Variants in SCAPER observed in about 807,000 individuals in gnomAD.
The protein encoded by SCAPER is S phase cyclin A-associated protein in the endoplasmic reticulum.
SCAPER carries 98 observed loss-of-function variants against 182.2 expected under a neutral mutation model. The observed-to-expected ratio is 0.54, with a 90% CI of 0.46 to 0.64. The LOEUF (loss-of-function observed/expected upper bound fraction) is 0.64. SCAPER is among the 30% of genes least tolerant of loss of function. SCAPER has a pLI of 0.00. For synonymous variants in SCAPER, 605 were observed against 564.6 expected, an observed-to-expected ratio of 1.07 and a Z score of -1.01; for missense variants, 1,432 against 1,690.0, an observed-to-expected ratio of 0.85 and a Z score of 2.68.
chr15:76,467,549 A>G (rs2049788572), intron 25 of SCAPER, among the ~76,000 whole-genome samples: 1 of 151,840 alleles, frequency 6.6e-6, no homozygotes, highest in South Asian at 2.1e-4. Context: ...CAAAGTATTC[A>G]AGGTATGATC....
chr15:76,381,959 G>A (rs144797564), intron 27 of SCAPER, among the ~76,000 whole-genome samples: 2 of 152,120 alleles, frequency 1.3e-5, no homozygotes, highest in Non-Finnish European at 2.9e-5. Context: ...GAAAGCTTTT[G>A]GGACTCAGAG....
intron 23 of SCAPER, among the ~76,000 whole-genome samples, chr15:76,539,552 T>C (rs1315739717): frequency 6.7e-6 from 1 of 148,152 alleles, no homozygotes; most frequent in African/African-American, 2.5e-5. Context: ...TTTCTTTTTT[T>C]TTTTTTTTTT....
chr15:76,872,707 TAC>T (rs1568380642), intron 2 of SCAPER, among the ~76,000 whole-genome samples: 2 of 151,654 alleles, frequency 1.3e-5, no homozygotes, highest in Non-Finnish European at 2.9e-5. Flanking sequence ...ACTATATTAA[TAC>T]AGTATAATAA....
chr15:76,564,441 G>A (rs1030906215), intron 23 of SCAPER, among the ~76,000 whole-genome samples: 2 of 151,956 alleles, frequency 1.3e-5, no homozygotes, highest in Non-Finnish European at 2.9e-5. Context: ...AAATACCTAG[G>A]AATACAGTCA....
intron 26 of SCAPER, among the ~76,000 whole-genome samples, chr15:76,413,846 G>C (rs568523988): frequency 1.4e-3 from 207 of 152,262 alleles, no homozygotes; most frequent in African/African-American, 4.6e-3. Context: ...AGTTCAAATT[G>C]CTTGCTGTCT....
chr15:76,663,014 T>C (rs138011898), intron 21 of SCAPER, among the ~76,000 whole-genome samples: 44 of 151,934 alleles, frequency 2.9e-4, no homozygotes, highest in African/African-American at 9.4e-4. Context: ...ATAAAGAAAA[T>C]GTATATGTAA....
chr15:76,648,529 G>C (rs1325379415), intron 21 of SCAPER, among the ~76,000 whole-genome samples: 3 of 152,136 alleles, frequency 2.0e-5, no homozygotes, highest in African/African-American at 7.2e-5. Context: ...GATTCAAAAA[G>C]CTAAATGAAT....
chr15:76,766,527 G>A (rs866095388), intron 11 of SCAPER, among the ~76,000 whole-genome samples: 7 of 151,520 alleles, frequency 4.6e-5, no homozygotes, highest in African/African-American at 9.7e-5. Flanking sequence ...TAATAGAGAC[G>A]GGGTTTTGCT....
intron 25 of SCAPER, among the ~76,000 whole-genome samples, chr15:76,449,758 G>C (rs2048248208): frequency 6.6e-6 from 1 of 152,108 alleles, no homozygotes; most frequent in African/African-American, 2.4e-5. Flanking sequence ...AATTCCTACT[G>C]AGGTTTGGCT....
intron 26 of SCAPER, among the ~76,000 whole-genome samples, chr15:76,424,568 T>C (rs542914694): frequency 6.6e-5 from 10 of 152,202 alleles, no homozygotes; most frequent in African/African-American, 9.7e-5. Flanking sequence ...TTGACTCTTA[T>C]CCAATTTGCC....
intron 25 of SCAPER, among the ~76,000 whole-genome samples, chr15:76,464,499 C>CA (rs1309135933): frequency 1.3e-5 from 2 of 151,976 alleles, no homozygotes; most frequent in Non-Finnish European, 2.9e-5. Context: ...GTCAGTCCTA[C>CA]ATATGTGTGG....
At chr15:76,423,467 C>T (rs968794195) in intron 26 of SCAPER, among the ~76,000 whole-genome samples, 11 of 152,098 alleles carry the variant, frequency 7.2e-5, no homozygotes, top group African/African-American at 1.7e-4. Flanking sequence ...GTGGTGATAT[C>T]CCGTTCATCA....
Position 76,567,407 on chromosome 15 carries a change from T to C in SCAPER, c.2838+6751A>G, listed in dbSNP as rs1045462299. The C allele has an allele frequency of 1.4e-5, 6 of 438,330 alleles. No individual in the cohort carries two copies. In the East Asian group the frequency reaches 4.5e-4, roughly 33 times the overall value. The allele number at this position is 438,330 out of a possible 1,614,324, so 27.2% of individuals were successfully genotyped here. A position where few individuals can be genotyped will look rare whatever the true frequency, so the allele number is the denominator to read the frequency against. ...CATTGCTTTCCATACAGTATATACC[T>C]AGAAGTGAAATATGATACACATGTC... On this transcript the variant is annotated intron_variant, in intron 23 of 31. Coordinates refer to ENST00000563290, the MANE Select transcript of SCAPER (RefSeq NM_020843.4).
intron 14 of SCAPER, among the ~76,000 whole-genome samples, chr15:76,760,830 G>A (rs1187235109): frequency 1.3e-5 from 2 of 152,104 alleles, no homozygotes; most frequent in African/African-American, 4.8e-5. Flanking sequence ...AGAGTTTTAG[G>A]AGCTCTATGT....
intron 21 of SCAPER, among the ~76,000 whole-genome samples, chr15:76,644,876 T>C (rs1597892124): frequency 6.6e-6 from 1 of 151,926 alleles, no homozygotes; most frequent in South Asian, 2.1e-4. Context: ...CATGCTTCTG[T>C]TTTCTTTTAG....
chr15:76,424,362 C>T (rs2046268904), intron 26 of SCAPER, among the ~76,000 whole-genome samples: 1 of 152,160 alleles, frequency 6.6e-6, no homozygotes, highest in African/African-American at 2.4e-5. Context: ...GATCCCTTTA[C>T]CATTATGTAA....
In SCAPER at chr15:76,641,466, G is replaced by A. The variant is rs572537485; in HGVS notation, c.2646-19637C>T. On this transcript the variant is annotated intron_variant, in intron 21 of 31. Coordinates refer to ENST00000563290, the MANE Select transcript of SCAPER (RefSeq NM_020843.4). ...TGTTGGCACCACGGGACCACAAGGC[G>A]ATGACCCCCTGGACCCAGCTTTCAC... Among the ~76,000 whole-genome samples, 5 of 152,014 alleles carry A rather than the reference G, an allele frequency of 3.3e-5. No individual in the cohort carries two copies. The East Asian group carries it at 9.7e-4, about 29-fold the overall frequency.
intron 6 of SCAPER, among the ~76,000 whole-genome samples, chr15:76,800,999 G>A (rs565228536): frequency 2.0e-5 from 3 of 152,270 alleles, no homozygotes; most frequent in African/African-American, 7.2e-5. Flanking sequence ...GGGTATCCCT[G>A]TGTCTTACTC....
chr15:76,425,495 G>A (rs532770927), intron 26 of SCAPER, among the ~76,000 whole-genome samples: 2 of 152,200 alleles, frequency 1.3e-5, no homozygotes, highest in East Asian at 1.9e-4. Context: ...GTCTACATTG[G>A]TTATTCTAGT....
Sources: allele counts gnomAD v4.1 joint callset (sites outside exome capture counted in the v4.1 genomes callset), GRCh38; gene constraint gnomAD v4.1.1; transcripts MANE v1.5; gene names NCBI Gene and HGNC (gene_info 2026-07-23, HGNC 2026-07-21).